Variants in OAF observed in about 807,000 individuals in gnomAD.
The protein encoded by OAF is out at first homolog.
A neutral mutation model predicts 22.5 loss-of-function variants in OAF; 13 were observed. The ratio of observed to expected loss-of-function variants is 0.58; its 90% CI spans 0.38 to 0.92. The LOEUF (loss-of-function observed/expected upper bound fraction) is 0.92. OAF is among the 40% of genes least tolerant of loss of function. The pLI, the probability that OAF is intolerant of heterozygous loss-of-function variation, is 0.00. For synonymous variants in OAF, 175 were observed against 170.5 expected, an observed-to-expected ratio of 1.03 and a Z score of -0.21; for missense variants, 347 against 381.8, an observed-to-expected ratio of 0.91 and a Z score of 0.76.
At chr11:120,214,945 C>T (rs908269673) in intron 1 of OAF, among the ~76,000 whole-genome samples, 1 of 152,246 alleles carries the variant, frequency 6.6e-6, no homozygotes, top group Non-Finnish European at 1.5e-5. Context: ...CCAGCTTTGC[C>T]GCACCTCACA....
At chr11:120,220,011 C>T (rs1374073065) in intron 1 of OAF, among the ~76,000 whole-genome samples, 1 of 152,218 alleles carries the variant, frequency 6.6e-6, no homozygotes, top group African/African-American at 2.4e-5. Flanking sequence ...CGACAGACCC[C>T]AGGGTCACCA....
At chr11:120,223,675 C>T (rs139056241) in intron 1 of OAF, among the ~76,000 whole-genome samples, 156 of 152,330 alleles carry the variant, frequency 1.0e-3, no homozygotes, top group African/African-American at 3.1e-3. Flanking sequence ...CTTTTGCCAA[C>T]GGTAGTCAGG....
At position 120,216,253 on chromosome 11, in the gene OAF, A is replaced by G. The variant is rs552480659; in HGVS notation, c.231+4743A>G. 2.9e-4 allele frequency among the ~76,000 whole-genome samples: 44 copies of G among 152,260 alleles called. 2 individuals are homozygous for G. The South Asian group carries it at 6.2e-3, about 22-fold the overall frequency. ...AGTCAGTAAAGATGTGGAATGTGCA[A>G]TGTCCACGTTGCCACCTAAGAACGT... On this transcript the variant is annotated intron_variant, in intron 1 of 3. Transcript: ENST00000328965.
chr11:120,228,784 T>G, intron 3 of OAF, 84 bp from the exon 4 acceptor site: 1 of 1,081,106 alleles, frequency 9.2e-7, no homozygotes, highest in Non-Finnish European at 1.3e-6. Context: ...GGAGACCAAG[T>G]GGGGAATGGC....
At chr11:120,225,262 T>TA (rs1290772320) in intron 1 of OAF, among the ~76,000 whole-genome samples, 1 of 151,178 alleles carries the variant, frequency 6.6e-6, no homozygotes, top group Non-Finnish European at 1.5e-5. Flanking sequence ...TTCTAGCCAT[T>TA]ACAACTACAA....
intron 2 of OAF, among the ~76,000 whole-genome samples, 170 bp from the exon 3 acceptor site, chr11:120,226,646 C>T (rs545857393): frequency 6.6e-6 from 1 of 152,354 alleles, no homozygotes; most frequent in East Asian, 1.9e-4. Flanking sequence ...CGACTGTACT[C>T]TAGGCATCAG....
Position 120,228,929 on chromosome 11 carries a change from C to A in OAF, c.609C>A (p.Arg203=), listed in dbSNP as rs1234768888. The A allele has an allele frequency of 4.3e-6, 7 of 1,610,510 alleles. No homozygotes were observed. The African/African-American group carries it at 8.0e-5, about 18-fold the overall frequency. Residue 203 remains arginine (R), a synonymous_variant, in exon 4 of 4, where the codon CGC becomes CGA. Coordinates refer to ENST00000328965, the MANE Select transcript of OAF (RefSeq NM_178507.4). ...CCTCAGAGCAGGCGGAGCTGCCTCG[C>A]TGCAGGCAGGTGGGGGACCACGGGA... ...PKASEQAELP[R]CRQVGDHGKP...
intron 1 of OAF, among the ~76,000 whole-genome samples, chr11:120,214,840 A>T (rs1464988980): frequency 1.3e-5 from 2 of 152,248 alleles, no homozygotes; most frequent in African/African-American, 4.8e-5. Context: ...TCAGATGGCC[A>T]TCCTGCATTA....
At position 120,224,563 on chromosome 11, in the gene OAF, T is replaced by C. The variant is rs1245726501; in HGVS notation, c.232-1098T>C. ...AAGGGGGCCACTCAGAGCCTGTTGCTGAGACACTTCTGTTCTCGCGGGTGT... is the reference window on the plus strand; with the variant it reads ...AAGGGGGCCACTCAGAGCCTGTTGCCGAGACACTTCTGTTCTCGCGGGTGT... On this transcript the variant is annotated intron_variant, in intron 1 of 3. Coordinates refer to ENST00000328965, the MANE Select transcript of OAF (RefSeq NM_178507.4). Among the ~76,000 whole-genome samples, 5 of 152,310 alleles carry C rather than the reference T, an allele frequency of 3.3e-5. No homozygotes were observed. In the East Asian group the frequency reaches 9.6e-4, roughly 29 times the overall value.
At position 120,211,489 on chromosome 11, in the gene OAF, C is replaced by T. The variant is rs766634517; in HGVS notation, c.210C>T (p.Ser70=). 2 of 1,480,916 alleles carry T rather than the reference C, an allele frequency of 1.4e-6. No individual in the cohort carries two copies. The highest frequency in any genetic ancestry group is 2.3e-5 in the Admixed American group (1 of 43,450). 91.7% of individuals were successfully genotyped at this position (1,480,916 alleles called of 1,614,324 possible). ...GCAAGCCCGACGGCACCCTCGTCTC[C>T]TTCACCGCCGACTTCAAGAAGGTGA... ...ELRKPDGTLV[S]FTADFKKDVK... Residue 70 remains serine, a synonymous_variant, in exon 1 of 4, where the codon TCC becomes TCT. Coordinates refer to ENST00000328965, the MANE Select transcript of OAF (RefSeq NM_178507.4).
At chr11:120,225,971 G>A (rs769499207) in intron 2 of OAF, among the ~76,000 whole-genome samples, 176 bp downstream of exon 2, 1 of 151,880 alleles carries the variant, frequency 6.6e-6, no homozygotes, top group Non-Finnish European at 1.5e-5. Context: ...TCATCTTCAC[G>A]CTGTTCCTGG....
At chr11:120,227,230 GCA>G (rs1215893475) in intron 3 of OAF, among the ~76,000 whole-genome samples, 1 of 151,656 alleles carries the variant, frequency 6.6e-6, no homozygotes, top group Admixed American at 6.6e-5. Context: ...GGGTAGATCT[GCA>G]CAGAGTTAAG....
intron 1 of OAF, among the ~76,000 whole-genome samples, chr11:120,223,595 A>C (rs1938309507): frequency 6.6e-6 from 1 of 152,236 alleles, no homozygotes; most frequent in South Asian, 2.1e-4. Flanking sequence ...CATTATTAAT[A>C]TAGAAGCAGG....
intron 1 of OAF, among the ~76,000 whole-genome samples, chr11:120,212,613 G>A (rs1938165467): frequency 6.6e-6 from 1 of 151,558 alleles, no homozygotes; most frequent in African/African-American, 2.4e-5. Flanking sequence ...TGCTGAAGCT[G>A]CCTGTCTTTC....
At chr11:120,216,642 A>C (rs1331853474) in intron 1 of OAF, among the ~76,000 whole-genome samples, 1 of 152,162 alleles carries the variant, frequency 6.6e-6, no homozygotes, top group African/African-American at 2.4e-5. Context: ...GAGCTTGGCC[A>C]GCATCTCCCA....
intron 1 of OAF, among the ~76,000 whole-genome samples, chr11:120,221,784 C>T (rs1187049376): frequency 1.3e-5 from 2 of 152,162 alleles, no homozygotes; most frequent in African/African-American, 4.8e-5. Context: ...CTGCGTGGCC[C>T]AGATCCTGGC....
At chr11:120,211,983 G>T (rs1181558295) in intron 1 of OAF, among the ~76,000 whole-genome samples, 1 of 152,144 alleles carries the variant, frequency 6.6e-6, no homozygotes, top group Non-Finnish European at 1.5e-5. Flanking sequence ...CTGACATTTT[G>T]GAGTCCCTCT....
At chr11:120,222,656 G>A (rs1046265092) in intron 1 of OAF, among the ~76,000 whole-genome samples, 3 of 152,300 alleles carry the variant, frequency 2.0e-5, no homozygotes, top group Admixed American at 1.3e-4. Flanking sequence ...GCTCACGCCT[G>A]TAATCCCAAC....
rs1357535253 is a variant in OAF at position 120,226,919 on chromosome 11, A to G, written c.470A>G (p.His157Arg). ...AGCCAGGGGGCCCTGCTGAGCCCCCATCTCCACAACGTGTGTGCCGAGGCC... is the reference window on the plus strand; with the variant it reads ...AGCCAGGGGGCCCTGCTGAGCCCCCGTCTCCACAACGTGTGTGCCGAGGCC... ...NFSQGALLSP[H>R]LHNVCAEAVD... Residue 157 changes from histidine to arginine, a missense_variant, in exon 3 of 4, where the codon CAT becomes CGT. Coordinates refer to ENST00000328965, the MANE Select transcript of OAF (RefSeq NM_178507.4). 1.9e-6 allele frequency: 3 copies of G among 1,612,750 alleles called. No homozygotes were observed. Among genetic ancestry groups the G allele is most frequent in the East Asian group, 2.2e-5 (1 of 44,818 alleles).
Sources: gnomAD v4.1 joint callset for allele counts (sites outside exome capture counted in the v4.1 genomes callset) on GRCh38, gnomAD v4.1.1 for gene constraint, MANE v1.5 for transcripts, NCBI Gene and HGNC (gene_info 2026-07-23, HGNC 2026-07-21) for gene names.